Variants in DNAJC25 observed in about 807,000 individuals in gnomAD.
DNAJC25 encodes the protein dnaJ homolog subfamily C member 25.
A neutral mutation model predicts 42.1 loss-of-function variants in DNAJC25; 26 were observed. That is an observed-to-expected ratio of 0.62 (90% confidence interval 0.45 to 0.86). The LOEUF (loss-of-function observed/expected upper bound fraction) is 0.86. Among genes scored for constraint, DNAJC25 ranks in the 40% least tolerant of loss-of-function variants. DNAJC25 has a pLI of 0.00. For synonymous variants in DNAJC25, 189 were observed against 179.9 expected, an observed-to-expected ratio of 1.05 and a Z score of -0.40; for missense variants, 404 against 459.4, an observed-to-expected ratio of 0.88 and a Z score of 1.10.
In DNAJC25 at chr9:111,632,757, TGAG is replaced by T. The variant is rs1233716806; in HGVS notation, c.336+1015_336+1017del. 4.6e-5 allele frequency among the ~76,000 whole-genome samples: 7 copies of T among 151,990 alleles called. No homozygotes were observed. In the East Asian group the frequency reaches 1.3e-3, roughly 29 times the overall value. ...TAGCCTGCTTTTAATGATTGTACTT[TGAG>T]TGGATATAATTTTACCTTGGATTGT... On this transcript the variant is annotated intron_variant, in intron 1 of 3. Coordinates refer to ENST00000313525, the MANE Select transcript of DNAJC25 (RefSeq NM_001015882.3).
rs753724007 is a variant in DNAJC25 at position 111,649,785 on chromosome 9, CAAA to C, written c.823_825del (p.Lys275del). On this transcript the variant is annotated inframe_deletion, in exon 3 of 4. Transcript: ENST00000313525. The stretch of plus-strand genomic sequence containing the variant: ...GGATCTATAATTTTAACATCAAAGG[CAAA>C]GAATATGGAGAGGAAGAGAGATTAT... 8.6e-5 allele frequency: 138 copies of C among 1,613,556 alleles called. No individual in the cohort carries two copies. The highest frequency in any genetic ancestry group is 1.1e-4 in the Non-Finnish European group (129 of 1,179,912).
intron 2 of DNAJC25, among the ~76,000 whole-genome samples, chr9:111,649,186 G>T (rs1258150977): frequency 6.6e-6 from 1 of 152,142 alleles, no homozygotes; most frequent in African/African-American, 2.4e-5. Context: ...ATGATACATT[G>T]ATTAGCCTTT....
At chr9:111,636,778 T>C (rs542424163) in intron 1 of DNAJC25, among the ~76,000 whole-genome samples, 1 of 152,328 alleles carries the variant, frequency 6.6e-6, no homozygotes, top group African/African-American at 2.4e-5. Flanking sequence ...TTGAGACCTT[T>C]TCTGGGTTTA....
At chr9:111,648,088 A>G (rs1240579765) in intron 2 of DNAJC25, among the ~76,000 whole-genome samples, 1 of 152,130 alleles carries the variant, frequency 6.6e-6, no homozygotes, top group Non-Finnish European at 1.5e-5. Flanking sequence ...GGAACTTTTT[A>G]TGTTGTAAAG....
chr9:111,636,979 G>A (rs867198354), intron 1 of DNAJC25, among the ~76,000 whole-genome samples: 3 of 152,074 alleles, frequency 2.0e-5, no homozygotes, highest in South Asian at 4.1e-4. Flanking sequence ...TTTGATCCTG[G>A]TGCCATGACT....
At chr9:111,650,329 G>C (rs966651881) in intron 3 of DNAJC25, among the ~76,000 whole-genome samples, 1 of 150,616 alleles carries the variant, frequency 6.6e-6, no homozygotes, top group South Asian at 2.1e-4. Context: ...AGAGTAAGAC[G>C]TGGAAATTTT....
intron 1 of DNAJC25, among the ~76,000 whole-genome samples, chr9:111,644,446 T>C (rs1160487509): frequency 6.6e-6 from 1 of 152,148 alleles, no homozygotes; most frequent in Non-Finnish European, 1.5e-5. Flanking sequence ...GAGTGAAATG[T>C]TTGAAGAGGG....
At chr9:111,641,404 G>T (rs1830461478) in intron 1 of DNAJC25, among the ~76,000 whole-genome samples, 1 of 140,390 alleles carries the variant, frequency 7.1e-6, no homozygotes, top group Non-Finnish European at 1.6e-5. Flanking sequence ...AGGGAGGTGG[G>T]GGGGTCAGCC....
intron 1 of DNAJC25, among the ~76,000 whole-genome samples, chr9:111,639,234 T>C (rs1301785530): frequency 6.6e-6 from 1 of 152,204 alleles, no homozygotes; most frequent in Admixed American, 6.5e-5. Context: ...CTTTTTGTGC[T>C]CAATACAAGG....
At chr9:111,649,022 C>G (rs1368414586) in intron 2 of DNAJC25, among the ~76,000 whole-genome samples, 2 of 152,116 alleles carry the variant, frequency 1.3e-5, no homozygotes, top group Non-Finnish European at 2.9e-5. Context: ...AGTCTATACA[C>G]TATGAGTTTT....
At chr9:111,637,485 ATCT>A (rs1367464426) in intron 1 of DNAJC25, among the ~76,000 whole-genome samples, 53 of 152,300 alleles carry the variant, frequency 3.5e-4, no homozygotes, top group African/African-American at 1.1e-3. Flanking sequence ...TTCTTCTGGA[ATCT>A]TCTTCTGTCA....
chr9:111,642,611 AAATAAAT>A (rs765189184), intron 1 of DNAJC25, among the ~76,000 whole-genome samples: 18,388 of 142,224 alleles, frequency 0.13, 1,477 homozygotes, highest in African/African-American at 0.28. Context: ...ATCAATAAAT[AAATAAAT>A]AAATAAATAA....
intron 3 of DNAJC25, 133 bp from the exon 4 acceptor site, chr9:111,652,967 G>C: frequency 1.3e-6 from 1 of 783,228 alleles, no homozygotes. Flanking sequence ...AGTATTTTAG[G>C]TGAATGGTTA....
chr9:111,645,847 A>G (rs1316843921), intron 1 of DNAJC25, among the ~76,000 whole-genome samples: 1 of 152,084 alleles, frequency 6.6e-6, no homozygotes, highest in Non-Finnish European at 1.5e-5. Context: ...CTGGAGTGTG[A>G]TGGCATGATC....
At chr9:111,645,932 A>AAT (rs1187324074) in intron 1 of DNAJC25, among the ~76,000 whole-genome samples, 2 of 152,092 alleles carry the variant, frequency 1.3e-5, no homozygotes, top group African/African-American at 4.8e-5. Context: ...GCCCTGTGCA[A>AAT]ATACAATTTT....
At chr9:111,638,850 A>G (rs1424736498) in intron 1 of DNAJC25, among the ~76,000 whole-genome samples, 3 of 151,666 alleles carry the variant, frequency 2.0e-5, no homozygotes, top group African/African-American at 4.9e-5. Flanking sequence ...CACAGTTGAT[A>G]ACATCCTAAC....
intron 1 of DNAJC25, among the ~76,000 whole-genome samples, chr9:111,640,188 G>A (rs879900522): frequency 9.0e-3 from 1,254 of 139,328 alleles, no homozygotes; most frequent in African/African-American, 0.02. Flanking sequence ...TCGGCCTCCC[G>A]AGGTGCCGGG....
rs1564083841 is a variant in DNAJC25 at position 111,639,936 on chromosome 9, CTCCGTCTCCG to C, written c.337-7168_337-7159del. ...TCTCCCTCTCCCTCTCCCTCTCCGT[CTCCGTCTCCG>C]TCTCCGTCTCCGTCTCCCCATGGTC... On this transcript the variant is annotated intron_variant, in intron 1 of 3. Coordinates refer to ENST00000313525, the MANE Select transcript of DNAJC25 (RefSeq NM_001015882.3). Among the ~76,000 whole-genome samples, 643 of 143,064 alleles carry C rather than the reference CTCCGTCTCCG, an allele frequency of 4.5e-3. 3 individuals carry two copies. The highest frequency in any genetic ancestry group is 8.4e-3 in the East Asian group (39 of 4,660). The allele number at this position is 143,064 out of a possible 152,430, so 93.9% of individuals were successfully genotyped here.
chr9:111,639,968 G>C (rs1589342499), intron 1 of DNAJC25, among the ~76,000 whole-genome samples: 1 of 133,788 alleles, frequency 7.5e-6, no homozygotes, highest in African/African-American at 3.0e-5. Flanking sequence ...GTCTCCCCAT[G>C]GTCTCCCTCT....
Sources: gnomAD v4.1 joint callset for allele counts (sites outside exome capture counted in the v4.1 genomes callset) on GRCh38, gnomAD v4.1.1 for gene constraint, MANE v1.5 for transcripts, NCBI Gene and HGNC (gene_info 2026-07-23, HGNC 2026-07-21) for gene names.